The following BRWD1 variants were observed in gnomAD, a reference collection of about 807,000 sequenced individuals.
The protein encoded by BRWD1 is bromodomain and WD repeat domain containing 1.
BRWD1 carries 82 observed loss-of-function variants against 251.2 expected under a neutral mutation model. That is an observed-to-expected ratio of 0.33 (90% CI 0.27 to 0.39). The LOEUF is 0.39. BRWD1 is among the 10% of genes least tolerant of loss of function. The pLI is 1.00. For synonymous variants in BRWD1, 918 were observed against 902.8 expected, an observed-to-expected ratio of 1.02 and a Z score of -0.30; for missense variants, 2,233 against 2,711.6, an observed-to-expected ratio of 0.82 and a Z score of 3.92.
In BRWD1 at chr21:39,207,479, CACACAA is replaced by C. The variant is rs1342623032; in HGVS notation, c.4198-1211_4198-1206del. Among the ~76,000 whole-genome samples the C allele has an allele frequency of 1.9e-4, 28 of 150,338 alleles. 1 individual carries two copies. Among genetic ancestry groups the C allele is most frequent in the East Asian group, 1.7e-3 (9 of 5,148 alleles). On this transcript the variant is annotated intron_variant, in intron 36 of 40. Transcript: ENST00000342449. ...ACACACACACACACACACACACACA[CACACAA>C]ACAAAACTCCAAAAACAACAAGTGT... is the stretch of plus-strand genomic sequence containing the variant.
chr21:39,285,664 C>T (rs1444182029), intron 8 of BRWD1, among the ~76,000 whole-genome samples: 2 of 151,874 alleles, frequency 1.3e-5, no homozygotes, highest in South Asian at 2.1e-4. Flanking sequence ...GGCTCACACA[C>T]ATAATCCCAG....
intron 29 of BRWD1, among the ~76,000 whole-genome samples, chr21:39,220,671 CAA>C (rs2033140829): frequency 6.6e-6 from 1 of 152,008 alleles, no homozygotes; most frequent in South Asian, 2.1e-4. Context: ...TTAGAATTAG[CAA>C]AGACATGAAT....
At position 39,192,767 on chromosome 21, in the gene BRWD1, T is replaced by C. The variant is rs2031618421; in HGVS notation, c.*3492A>G. 7 of 985,024 alleles carry C rather than the reference T, an allele frequency of 7.1e-6. No individual in the cohort carries two copies. The highest frequency in any genetic ancestry group is 1.2e-4 in the Admixed American group (2 of 16,210). 61.0% of individuals were successfully genotyped at this position (985,024 alleles called of 1,614,324 possible). A position where few individuals can be genotyped will look rare whatever the true frequency, so the allele number is the denominator to read the frequency against. On this transcript the variant is annotated 3_prime_UTR_variant, in exon 41 of 41. Coordinates refer to ENST00000342449, the MANE Select transcript of BRWD1 (RefSeq NM_033656.4). ...GGAGTGGAAAGGAAAACAAAAAAGA[T>C]CGTAAGCACCTTTAACAATGTTCTT...
chr21:39,210,256 AG>A, intron 35 of BRWD1, 109 bp from the exon 36 acceptor site: 1 of 611,812 alleles, frequency 1.6e-6, no homozygotes, highest in Non-Finnish European at 2.7e-6. Context: ...GGAAAAGGTT[AG>A]AGGACTCTTA....
At chr21:39,232,774 T>C (rs1382021543) in intron 23 of BRWD1, among the ~76,000 whole-genome samples, 1 of 152,198 alleles carries the variant, frequency 6.6e-6, no homozygotes, top group Non-Finnish European at 1.5e-5. Flanking sequence ...AGGGGGCTAA[T>C]ACCCAGCCTA....
intron 8 of BRWD1, among the ~76,000 whole-genome samples, chr21:39,290,654 C>CA (rs1478952578): frequency 6.6e-6 from 1 of 152,142 alleles, no homozygotes; most frequent in South Asian, 2.1e-4. Context: ...GGCACTCTCT[C>CA]AAAGTATAAA....
chr21:39,202,647 G>A (rs2032170199), intron 37 of BRWD1, 102 bp from the exon 38 acceptor site: 1 of 745,674 alleles, frequency 1.3e-6, no homozygotes, highest in African/African-American at 1.8e-5. Flanking sequence ...TTCTTAAACT[G>A]AGAGTAATTT....
chr21:39,276,304 G>T, intron 11 of BRWD1, 91 bp from the exon 12 acceptor site: 1 of 1,137,232 alleles, frequency 8.8e-7, no homozygotes, highest in Non-Finnish European at 1.2e-6. Flanking sequence ...AAGCCTATTT[G>T]CTTTAACAAG....
intron 15 of BRWD1, among the ~76,000 whole-genome samples, chr21:39,267,956 A>T (rs2034976857): frequency 6.6e-6 from 1 of 152,230 alleles, no homozygotes; most frequent in African/African-American, 2.4e-5. Flanking sequence ...GTGCAAGCAC[A>T]TTTACCCACG....
intron 19 of BRWD1, among the ~76,000 whole-genome samples, chr21:39,254,893 C>A (rs934475246): frequency 6.6e-6 from 1 of 152,074 alleles, no homozygotes; most frequent in African/African-American, 2.4e-5. Context: ...ATTTATGACA[C>A]CTGAAACAAC....
At chr21:39,231,161 A>T (rs962331360) in intron 25 of BRWD1, among the ~76,000 whole-genome samples, 4 of 152,230 alleles carry the variant, frequency 2.6e-5, no homozygotes, top group African/African-American at 9.6e-5. Flanking sequence ...CTAAGTTTTT[A>T]AAAGTATCAA....
At chr21:39,297,478 T>A in intron 5 of BRWD1, 1 of 898,232 alleles carries the variant, frequency 1.1e-6, no homozygotes, top group Non-Finnish European at 1.3e-6. Context: ...TTGACACAAG[T>A]AAAGAAAACA....
Position 39,200,319 on chromosome 21 carries a change from G to A in BRWD1, c.4653C>T (p.Ser1551=), listed in dbSNP as rs1412585840. Residue 1551 remains serine (S), a synonymous_variant, in exon 39 of 41, where the codon AGC becomes AGT. Coordinates refer to ENST00000342449, the MANE Select transcript of BRWD1 (RefSeq NM_033656.4). ...ATTCACGAGCTCTGGAACTCTCTTT[G>A]CTTTCCTCAGAACTACTGGAAGCTG... ...SSSASSSSEE[S]KESSRARESS... The A allele has an allele frequency of 6.2e-7, 1 of 1,614,066 alleles. No individual in the cohort carries two copies. The highest frequency in any genetic ancestry group is 1.7e-5 in the Admixed American group (1 of 60,012).
At position 39,193,420 on chromosome 21, in the gene BRWD1, G is replaced by A. The variant is rs2031654641; in HGVS notation, c.*2839C>T. 15 of 984,554 alleles carry A rather than the reference G, an allele frequency of 1.5e-5. No individual in the cohort carries two copies. Among genetic ancestry groups the A allele is most frequent in the Non-Finnish European group, 1.7e-5 (14 of 829,250 alleles). 61.0% of individuals were successfully genotyped at this position (984,554 alleles called of 1,614,324 possible). On this transcript the variant is annotated 3_prime_UTR_variant, in exon 41 of 41. Transcript: ENST00000342449. Reference sequence around the variant, plus strand: ...GTAAGTATACCTTTTTAAATAAGGAGGACACGAAAAAAGAAAGCTTTGTTA... The same window carrying A: ...GTAAGTATACCTTTTTAAATAAGGAAGACACGAAAAAAGAAAGCTTTGTTA...
intron 8 of BRWD1, among the ~76,000 whole-genome samples, chr21:39,286,607 C>T (rs755558194): frequency 6.6e-6 from 1 of 151,716 alleles, no homozygotes; most frequent in Non-Finnish European, 1.5e-5. Flanking sequence ...CTCCACCTCC[C>T]GGCTTCAAGC....
chr21:39,220,336 C>T (rs570734471), intron 29 of BRWD1, among the ~76,000 whole-genome samples: 6 of 152,320 alleles, frequency 3.9e-5, no homozygotes, highest in African/African-American at 9.6e-5. Context: ...CTCAGCCAGA[C>T]TGAAAAAGCT....
In BRWD1 at chr21:39,295,854, T is replaced by C; in HGVS notation, c.498A>G (p.Thr166=). 1 of 1,609,000 alleles carries C rather than the reference T, an allele frequency of 6.2e-7. No homozygotes were observed. Reference sequence around the variant, plus strand: ...GCTGATACATAGTTCCTGGAAATGCTGTACTAAAAGTGGAACACCCTGTGA... The same window carrying C: ...GCTGATACATAGTTCCTGGAAATGCCGTACTAAAAGTGGAACACCCTGTGA... ...KQLTGCSTFS[T]AFPGTMYQHI... Residue 166 remains threonine, a synonymous_variant, in exon 7 of 41, where the codon ACA becomes ACG. Transcript: ENST00000342449.
At chr21:39,279,638 C>CAAAAAAAAAAAAA (rs77282416) in intron 9 of BRWD1, among the ~76,000 whole-genome samples, 7 of 66,778 alleles carry the variant, frequency 1.0e-4, no homozygotes, top group Non-Finnish European at 1.7e-4. Context: ...GACTCCATCT[C>CAAAAAAAAAAAAA]AAAAAAAAAA....
At chr21:39,318,192 G>A (rs1190052226), upstream of BRWD1, among the ~76,000 whole-genome samples, 5 of 152,052 alleles carry the variant, frequency 3.3e-5, no homozygotes, top group African/African-American at 7.2e-5. Flanking sequence ...GCCCAACAAC[G>A]TTAAATATGA....
Sources: gnomAD v4.1 joint callset for allele counts (sites outside exome capture counted in the v4.1 genomes callset) on GRCh38, gnomAD v4.1.1 for gene constraint, MANE v1.5 for transcripts, NCBI Gene and HGNC (gene_info 2026-07-23, HGNC 2026-07-21) for gene names.